MAMDC4: variants seen among roughly 807,000 people sequenced by gnomAD.
MAMDC4 encodes the protein apical endosomal glycoprotein.
MAMDC4 carries 168 observed loss-of-function variants against 153.3 expected under a neutral mutation model. The observed-to-expected ratio is 1.10, with a 90% CI of 0.97 to 1.25. MAMDC4 has a LOEUF of 1.25. Ranked by LOEUF, MAMDC4 falls within the 50% of genes most tolerant of loss-of-function variation. The pLI is 0.00. For synonymous variants in MAMDC4, 744 were observed against 651.5 expected (o/e 1.14, Z -2.16); for missense variants, 1,701 against 1,542.8 (o/e 1.10, Z -1.72).
rs1282916871 is a variant in MAMDC4, at chr9:136,852,413, A to G, written c.-4A>G. The stretch of plus-strand genomic sequence containing the variant: ...GTGGCCGCACTGCTCCCTCTGGCCC[A>G]ACCATGCCTCTGTCCAGCCACCTGC... On this transcript the variant is annotated 5_prime_UTR_variant, in exon 1 of 27. Transcript: ENST00000317446. 6.2e-6 allele frequency: 10 copies of G among 1,609,774 alleles called. No individual in the cohort carries two copies. The South Asian group carries it at 1.1e-4, about 18-fold the overall frequency.
intron 14 of MAMDC4, chr9:136,856,425 C>A: frequency 1.3e-6 from 1 of 789,180 alleles, no homozygotes. Flanking sequence ...GGAGCGGGCC[C>A]TGACTTAACC....
chr9:136,859,726 C>T, intron 25 of MAMDC4, 160 bp from the exon 26 acceptor site: 1 of 705,256 alleles, frequency 1.4e-6, no homozygotes, highest in Admixed American at 2.8e-5. Context: ...GTCTGCCAGG[C>T]CCCATCCTTG....
intron 26 of MAMDC4, 132 bp downstream of exon 26, chr9:136,860,196 C>A: frequency 9.4e-7 from 1 of 1,064,640 alleles, no homozygotes; most frequent in East Asian, 2.6e-5. Flanking sequence ...GCCCTCCCTG[C>A]CCTGCCTCTC....
In MAMDC4 at chr9:136,859,257, G is replaced by A. The variant is rs761257786; in HGVS notation, c.3133G>A (p.Ala1045Thr). The change falls in exon 25 of 27, where the codon GCC (alanine) becomes ACC (threonine). Residue 1045 changes from alanine (A) to threonine (T), a missense_variant. Ala to Thr is a moderately conservative substitution (Grantham distance 58, BLOSUM62 0). Coordinates refer to ENST00000317446, the MANE Select transcript of MAMDC4 (RefSeq NM_206920.3). ...CGGCCAGCCAGCCCTGGGGCCCATT[G>A]CCCTGGATGACGTGGAGTATCTGGC... ...LGGQPALGPI[A>T]LDDVEYLAGQ... The A allele has an allele frequency of 2.5e-6, 4 of 1,612,190 alleles. No individual in the cohort carries two copies. Among genetic ancestry groups the A allele is most frequent in the Non-Finnish European group, 3.4e-6 (4 of 1,179,560 alleles).
Position 136,853,644 on chromosome 9 carries a change from G to T in MAMDC4, c.428G>T (p.Arg143Met). The change falls in exon 4 of 27, where the codon AGG becomes ATG. Residue 143 changes from arginine (R) to methionine (M), a missense_variant. Arg to Met is a moderately conservative substitution (Grantham distance 91). Coordinates refer to ENST00000317446, the MANE Select transcript of MAMDC4 (RefSeq NM_206920.3). The stretch of plus-strand genomic sequence containing the variant: ...GAGGCAGCCTCCTCTTGCAAGCTGA[G>T]GCTCTGGTACCACGCGGCCTCTGGA... ...LREAASSCKL[R>M]LWYHAASGDV... is the part of the protein sequence containing the mutation. The T allele has an allele frequency of 6.2e-7, 1 of 1,612,284 alleles. No individual in the cohort carries two copies. The highest frequency in any genetic ancestry group is 1.1e-5 in the South Asian group (1 of 91,074).
Position 136,856,028 on chromosome 9 carries a change from G to A in MAMDC4, c.1599G>A (p.Leu533=), listed in dbSNP as rs539744809. Residue 533 remains leucine (L), a synonymous_variant, in exon 14 of 27, where the codon CTG becomes CTA. Coordinates refer to ENST00000317446, the MANE Select transcript of MAMDC4 (RefSeq NM_206920.3). ...GSSAAAAGHF[L]SLQRAWGQLG... is the part of the protein sequence containing the mutation. ...ATGCTCTTCCCCTAGGGCACTTCCTGTCTCTGCAGCGGGCCTGGGGGCAGC... is the reference window on the plus strand; with the variant it reads ...ATGCTCTTCCCCTAGGGCACTTCCTATCTCTGCAGCGGGCCTGGGGGCAGC... 4.3e-6 allele frequency: 7 copies of A among 1,611,310 alleles called. No homozygotes were observed. Among genetic ancestry groups the A allele is most frequent in the African/African-American group, 1.3e-5 (1 of 75,018 alleles).
intron 18 of MAMDC4, 22 bp downstream of exon 18, chr9:136,857,608 A>T: frequency 1.2e-6 from 2 of 1,612,404 alleles, no homozygotes. Context: ...TGGCAGGGGC[A>T]GGGATTGAGG....
At position 136,852,550 on chromosome 9, in the gene MAMDC4, C is replaced by T. The variant is rs1051980485; in HGVS notation, c.46+88C>T. The T allele has an allele frequency of 4.7e-6, 7 of 1,475,856 alleles. No homozygotes were observed. The African/African-American group carries it at 8.5e-5, about 18-fold the overall frequency. 91.4% of individuals were successfully genotyped at this position (1,475,856 alleles called of 1,614,324 possible). On this transcript the variant is annotated intron_variant, in intron 1 of 26. Transcript: ENST00000317446. ...TGTGTGGCAGTGACGGACACCAGGG[C>T]TGATGCCTGAGCCCCAAAGGGAAGG...
rs181500797 is a variant in MAMDC4, at chr9:136,854,521, G to A, written c.797-18G>A. On this transcript the variant is annotated intron_variant, in intron 7 of 26. Transcript: ENST00000317446. ...AAGCACTGCCTGGTGGCCCTGACAC[G>A]CCCACCTCCTGCCCTAGGCCGCCAC... The A allele has an allele frequency of 3.4e-4, 536 of 1,595,122 alleles. 4 individuals are homozygous for A. The East Asian group carries it at 1.0e-2, about 30-fold the overall frequency.
At position 136,860,572 on chromosome 9, in the gene MAMDC4, C is replaced by T; in HGVS notation, c.3383C>T (p.Thr1128Ile). The T allele has an allele frequency of 6.2e-7, 1 of 1,612,820 alleles. No homozygotes were observed. The highest frequency in any genetic ancestry group is 8.5e-7 in the Non-Finnish European group (1 of 1,179,842). Residue 1128 changes from threonine to isoleucine, a missense_variant, in exon 27 of 27, where the codon ACC (threonine) becomes ATC (isoleucine). Coordinates refer to ENST00000317446, the MANE Select transcript of MAMDC4 (RefSeq NM_206920.3). The stretch of plus-strand genomic sequence containing the variant: ...TCTTCCTCCTCCTAGGATGGTGTCA[C>T]CCTCCCGGCATCTGTCACCAGTGAT... ...DNILFNADGV[T>I]LPASVTSDP
At chr9:136,858,916 G>C in intron 23 of MAMDC4, 63 bp downstream of exon 23, 1 of 1,552,920 alleles carries the variant, frequency 6.4e-7, no homozygotes, top group African/African-American at 1.4e-5. Context: ...AGGAGCAGAG[G>C]TGGGGAGGTG....
At position 136,856,755 on chromosome 9, in the gene MAMDC4, G is replaced by C; in HGVS notation, c.1766G>C (p.Gly589Ala). 9 of 1,612,440 alleles carry C rather than the reference G, an allele frequency of 5.6e-6. No individual in the cohort carries two copies. Among genetic ancestry groups the C allele is most frequent in the Non-Finnish European group, 6.8e-6 (8 of 1,179,794 alleles). ...FERDTCSWYP[G>A]HLSDTHWRWV... is the part of the protein sequence containing the mutation. ...CGGGACACATGCAGCTGGTACCCAGGCCACCTCTCAGACACACACTGGCGC... is the reference window on the plus strand; with the variant it reads ...CGGGACACATGCAGCTGGTACCCAGCCCACCTCTCAGACACACACTGGCGC... Residue 589 changes from glycine (G) to alanine (A), a missense_variant, in exon 15 of 27, where the codon GGC becomes GCC. Gly to Ala is a moderately conservative substitution (Grantham distance 60, BLOSUM62 0). Transcript: ENST00000317446.
At chr9:136,856,231 A>T (rs1564387174) in intron 14 of MAMDC4, 82 bp downstream of exon 14, 1 of 1,602,484 alleles carries the variant, frequency 6.2e-7, no homozygotes, top group Non-Finnish European at 8.5e-7. Context: ...CGGGTGACCC[A>T]CAGTGCCCCC....
Position 136,855,463 on chromosome 9 carries a change from C to T in MAMDC4, c.1315C>T (p.Pro439Ser). Residue 439 changes from proline to serine, a missense_variant, in exon 12 of 27, where the codon CCC (proline) becomes TCC (serine). Pro to Ser is a moderately conservative substitution (Grantham distance 74, BLOSUM62 -1). Transcript: ENST00000317446. ...VSTLQPLPPGPRAPAPQPLPP... is the reference protein window; with the variant it reads ...VSTLQPLPPGSRAPAPQPLPP... ...CACCCTGCAGCCGCTGCCTCCTGGG[C>T]CCCGGGCCCCAGCCCCCCAGCCCCT... 1 of 1,608,346 alleles carries T rather than the reference C, an allele frequency of 6.2e-7. No homozygotes were observed. The highest frequency in any genetic ancestry group is 1.3e-5 in the African/African-American group (1 of 74,942).
chr9:136,854,384 T>C, intron 7 of MAMDC4, 48 bp downstream of exon 7: 1 of 1,497,452 alleles, frequency 6.7e-7, no homozygotes, highest in Non-Finnish European at 8.9e-7. Flanking sequence ...ACTGGACGCC[T>C]CGGTGGGGGC....
rs1206578852 is a variant in MAMDC4, at chr9:136,855,575, A to T, written c.1427A>T (p.Asp476Val). Residue 476 changes from aspartate (D) to valine (V), a missense_variant, in exon 12 of 27, where the codon GAC becomes GTC. Asp to Val is a radical substitution (Grantham distance 152). Transcript: ENST00000317446. ...TGTGTGCCCCCGGAACAACTGTGTG[A>T]CTTCGAGGAGCAGTGCGCAGGGGGC... is the stretch of plus-strand genomic sequence containing the variant. ...DLCVPPEQLCDFEEQCAGGED... is the reference protein window; with the variant it reads ...DLCVPPEQLCVFEEQCAGGED... 1 of 1,591,166 alleles carries T rather than the reference A, an allele frequency of 6.3e-7. No individual in the cohort carries two copies. The highest frequency in any genetic ancestry group is 1.7e-4 in the Middle Eastern group (1 of 6,034).
At position 136,854,562 on chromosome 9, in the gene MAMDC4, G is replaced by A. The variant is rs1848974907; in HGVS notation, c.820G>A (p.Glu274Lys). ...AGGCCGCCACATAGCCACCGACTTT[G>A]AGACAGGCCTGGGCCCATGGAACCG... ...TCGRHIATDFETGLGPWNRSE... is the reference protein window; with the variant it reads ...TCGRHIATDFKTGLGPWNRSE... The change falls in exon 8 of 27, where the codon GAG becomes AAG. Residue 274 changes from glutamate to lysine, a missense_variant. Glu to Lys is a moderately conservative substitution (Grantham distance 56). Transcript: ENST00000317446. 1 of 1,606,962 alleles carries A rather than the reference G, an allele frequency of 6.2e-7. No homozygotes were observed. Among genetic ancestry groups the A allele is most frequent in the East Asian group, 2.3e-5 (1 of 44,412 alleles).
At chr9:136,859,461 C>A (rs982714099) in intron 25 of MAMDC4, 144 bp downstream of exon 25, 1 of 763,716 alleles carries the variant, frequency 1.3e-6, no homozygotes, top group African/African-American at 1.8e-5. Flanking sequence ...CAGGCCCAGG[C>A]CCTGTGCCCT....
At position 136,859,216 on chromosome 9, in the gene MAMDC4, T is replaced by A. The variant is rs951352152; in HGVS notation, c.3092T>A (p.Phe1031Tyr). 4 of 1,611,192 alleles carry A rather than the reference T, an allele frequency of 2.5e-6. No homozygotes were observed. The highest frequency in any genetic ancestry group is 3.4e-6 in the Non-Finnish European group (4 of 1,178,966). The part of the protein sequence containing the change: ...VASAKEFQIV[F>Y]EATLGGQPAL... ...CCTTTCCTTCTCCATCAGATCGTGT[T>A]TGAAGCCACTCTGGGCGGCCAGCCA... The change falls in exon 25 of 27, where the codon TTT becomes TAT. Residue 1031 changes from phenylalanine (F) to tyrosine (Y), a missense_variant. Physicochemically the swap from Phe to Tyr is conservative, Grantham distance 22 (BLOSUM62 3). Coordinates refer to ENST00000317446, the MANE Select transcript of MAMDC4 (RefSeq NM_206920.3).
Sources: gnomAD v4.1 joint callset for allele counts on GRCh38, gnomAD v4.1.1 for gene constraint, MANE v1.5 for transcripts, NCBI Gene and HGNC (gene_info 2026-07-23, HGNC 2026-07-21) for gene names.